KIAA0586: variants seen among roughly 807,000 people sequenced by gnomAD.
KIAA0586 encodes KIAA0586.
In KIAA0586, 144 loss-of-function variants were observed where a neutral mutation model predicts 169.8. That is an observed-to-expected ratio of 0.85 (90% CI 0.74 to 0.97). The LOEUF is 0.97. Ranked by LOEUF, KIAA0586 falls within the 50% of genes least tolerant of loss-of-function variation. KIAA0586 has a pLI of 0.00. For synonymous variants in KIAA0586, 625 were observed against 612.4 expected (o/e 1.02, Z -0.30); for missense variants, 1,854 against 1,823.0 (o/e 1.02, Z -0.31).
At chr14:58,547,681 C>CGGGGGGG in intron 30 of KIAA0586, 100 bp from the exon 31 acceptor site, 1 of 990,206 alleles carries the variant, frequency 1.0e-6, no homozygotes. Flanking sequence ...ATTTGGAATC[C>CGGGGGGG]GCGCCCCCCC....
chr14:58,467,866 A>G lies in KIAA0586; in HGVS notation c.2386A>G (p.Ile796Val), dbSNP rs369070060. ...KVETGVKKPN[I>V]AIVEMKSEKK... ...AGAAACTGGAGTAAAGAAACCTAAC[A>G]TAGCCATTGTAGAAATGAAGTCAGA... is the stretch of plus-strand genomic sequence containing the variant. Residue 796 changes from isoleucine to valine, a missense_variant, in exon 16 of 31, where the codon ATA becomes GTA. Coordinates refer to ENST00000652326, the MANE Select transcript of KIAA0586 (RefSeq NM_001329943.3). 4 of 1,613,762 alleles carry G rather than the reference A, an allele frequency of 2.5e-6. No homozygotes were observed. The African/African-American group carries it at 4.0e-5, about 16-fold the overall frequency.
At chr14:58,522,996 AC>A (rs1203379543) in intron 29 of KIAA0586, among the ~76,000 whole-genome samples, 2 of 152,102 alleles carry the variant, frequency 1.3e-5, no homozygotes. Flanking sequence ...AAGGATTTAT[AC>A]TTTTTATTTA....
At chr14:58,536,309 C>T (rs2046287270) in intron 29 of KIAA0586, among the ~76,000 whole-genome samples, 1 of 151,806 alleles carries the variant, frequency 6.6e-6, no homozygotes, top group African/African-American at 2.4e-5. Flanking sequence ...CCTTCGCTGG[C>T]TTTTGGAGTT....
At chr14:58,495,452 C>G (rs1595372928) in intron 26 of KIAA0586, among the ~76,000 whole-genome samples, 1 of 151,944 alleles carries the variant, frequency 6.6e-6, no homozygotes, top group Non-Finnish European at 1.5e-5. Flanking sequence ...TAGGCGTGTA[C>G]CATACCTAGC....
chr14:58,456,551 A>T (rs2039867461), intron 9 of KIAA0586, 151 bp from the exon 10 acceptor site: 2 of 529,406 alleles, frequency 3.8e-6, no homozygotes, highest in South Asian at 6.5e-5. Context: ...TAACTGATTA[A>T]TTCCATAGTT....
At position 58,456,784 on chromosome 14, in the gene KIAA0586, GAGAA is replaced by G. The variant is rs750592118; in HGVS notation, c.1342_1345del (p.Glu448GlnfsTer11). ...TGTTCTTCATGACCTTGGCCAAAAA[GAGAA>G]AGAAACAAATAGCATGGTCCAGGTA... On this transcript the variant is annotated frameshift_variant, in exon 10 of 31. Coordinates refer to ENST00000652326, the MANE Select transcript of KIAA0586 (RefSeq NM_001329943.3). LOFTEE classifies it high-confidence loss of function. 3.8e-6 allele frequency: 6 copies of G among 1,598,774 alleles called. No individual in the cohort carries two copies. The South Asian group carries it at 6.8e-5, about 18-fold the overall frequency.
chr14:58,463,227 C>A (rs1748983), intron 14 of KIAA0586, among the ~76,000 whole-genome samples: 149,733 of 152,246 alleles, frequency 0.98, 73,675 homozygotes, highest in Non-Finnish European at 1. Context: ...CTGTTCCTCT[C>A]CATCTCCTCA....
chr14:58,559,150 T>G, the KIAA0586 span, among the ~76,000 whole-genome samples: 1 of 152,250 alleles, frequency 6.6e-6, no homozygotes, highest in South Asian at 2.1e-4. Context: ...TTCCAGGTGT[T>G]GCTTTCCACT....
chr14:58,479,831 A>G (rs758569601), intron 20 of KIAA0586, among the ~76,000 whole-genome samples: 4 of 152,178 alleles, frequency 2.6e-5, no homozygotes, highest in Admixed American at 6.5e-5. Context: ...TTGAAAATCA[A>G]TTGGTTATAT....
chr14:58,512,357 A>G (rs191953823), intron 28 of KIAA0586, among the ~76,000 whole-genome samples, 165 bp from the exon 29 acceptor site: 1 of 152,054 alleles, frequency 6.6e-6, no homozygotes, highest in Admixed American at 6.6e-5. Flanking sequence ...TAGGTACCTC[A>G]TCACCTATTT....
chr14:58,545,399 T>G (rs369259151), intron 30 of KIAA0586, among the ~76,000 whole-genome samples: 1 of 152,218 alleles, frequency 6.6e-6, no homozygotes, highest in South Asian at 2.1e-4. Context: ...TGTAATTTTA[T>G]GCACAAAGTA....
chr14:58,505,932 A>G (rs1384524543), intron 27 of KIAA0586, among the ~76,000 whole-genome samples: 1 of 152,148 alleles, frequency 6.6e-6, no homozygotes, highest in Admixed American at 6.5e-5. Flanking sequence ...TAACTTTTAT[A>G]CTTTCCGTGC....
intron 15 of KIAA0586, among the ~76,000 whole-genome samples, chr14:58,466,355 C>G (rs17094555): frequency 0.015 from 2,268 of 152,214 alleles, 62 homozygotes; most frequent in African/African-American, 0.052. Context: ...TAATAGCAAT[C>G]TCTGAAATGA....
At chr14:58,449,948 A>G (rs1003370351) in intron 7 of KIAA0586, among the ~76,000 whole-genome samples, 10 of 152,138 alleles carry the variant, frequency 6.6e-5, no homozygotes, top group African/African-American at 2.2e-4. Context: ...GGCAAATATC[A>G]TGTTTACATA....
intron 25 of KIAA0586, among the ~76,000 whole-genome samples, chr14:58,491,702 A>G (rs1039482339): frequency 1.6e-4 from 24 of 152,324 alleles, no homozygotes; most frequent in South Asian, 2.1e-4. Context: ...CTGCCATACC[A>G]TACTTCTGCA....
At chr14:58,525,969 C>T (rs776792571) in intron 29 of KIAA0586, among the ~76,000 whole-genome samples, 15 of 152,330 alleles carry the variant, frequency 9.8e-5, no homozygotes, top group Non-Finnish European at 1.5e-4. Context: ...TGGAACCCAC[C>T]ATGTCTCAGC....
rs1595344778 is a variant in KIAA0586, at chr14:58,488,176, A to T, written c.3527+67A>T. The T allele has an allele frequency of 3.3e-6, 4 of 1,196,800 alleles. No homozygotes were observed. The East Asian group carries it at 1.0e-4, about 31-fold the overall frequency. 74.1% of individuals were successfully genotyped at this position (1,196,800 alleles called of 1,614,324 possible). ...TATGTTTGACTTATGTGATCCATTG[A>T]AAACATAGAAATATTATACAAAGCT... On this transcript the variant is annotated intron_variant, in intron 23 of 30. Coordinates refer to ENST00000652326, the MANE Select transcript of KIAA0586 (RefSeq NM_001329943.3).
chr14:58,427,502 G>C (rs2036914389), upstream of KIAA0586: 2 of 1,270,574 alleles, frequency 1.6e-6, no homozygotes, highest in South Asian at 2.6e-5. Context: ...TGAGACTGTA[G>C]AGCGGTCTTG....
chr14:58,439,562 C>T (rs2038125089), intron 4 of KIAA0586, among the ~76,000 whole-genome samples: 1 of 152,190 alleles, frequency 6.6e-6, no homozygotes, highest in Admixed American at 6.5e-5. Flanking sequence ...ATTTCTTCAT[C>T]TATAAAATTA....
Sources: allele counts gnomAD v4.1 joint callset (sites outside exome capture counted in the v4.1 genomes callset), GRCh38; gene constraint gnomAD v4.1.1; transcripts MANE v1.5; gene names NCBI Gene and HGNC (gene_info 2026-07-23, HGNC 2026-07-21).